Variants in EPHA3 observed in about 807,000 individuals in gnomAD.
EPHA3 encodes ephrin type-A receptor 3.
Under a neutral mutation model 107.1 loss-of-function variants are expected in EPHA3, and 42 were observed. The observed-to-expected ratio is 0.39, with a 90% CI of 0.31 to 0.51. EPHA3 has a LOEUF of 0.51. Among genes scored for constraint, EPHA3 ranks in the 20% least tolerant of loss-of-function variants. EPHA3 has a pLI of 0.78. For synonymous variants in EPHA3, 461 were observed against 424.8 expected, an observed-to-expected ratio of 1.09 and a Z score of -1.05; for missense variants, 1,183 against 1,211.2, an observed-to-expected ratio of 0.98 and a Z score of 0.35.
chr3:89,152,849 T>TA (rs1704718503), intron 2 of EPHA3, among the ~76,000 whole-genome samples: 1 of 152,086 alleles, frequency 6.6e-6, no homozygotes, highest in African/African-American at 2.4e-5. Flanking sequence ...CATTACAAAC[T>TA]AGCAACTAAA....
rs533807353 is a variant in EPHA3 at position 89,398,167 on chromosome 3, T to A, written c.1432-1151T>A. ...TTAACAGTATATGTAATGTATGGCA[T>A]GTTTTCTGTACTATTCAATCTCGTT... is the stretch of plus-strand genomic sequence containing the variant. On this transcript the variant is annotated intron_variant, in intron 6 of 16. Coordinates refer to ENST00000336596, the MANE Select transcript of EPHA3 (RefSeq NM_005233.6). Among the ~76,000 whole-genome samples, 254 of 152,326 alleles carry A rather than the reference T, an allele frequency of 1.7e-3. 3 individuals carry two copies. The highest frequency in any genetic ancestry group is 5.6e-3 in the African/African-American group (231 of 41,570).
chr3:89,242,022 G>A (rs1704907482), intron 3 of EPHA3, among the ~76,000 whole-genome samples: 1 of 152,120 alleles, frequency 6.6e-6, no homozygotes, highest in Non-Finnish European at 1.5e-5. Context: ...GTCCTTTAGT[G>A]CAATAAAATG....
chr3:89,210,180 G>A lies in EPHA3; in HGVS notation c.474G>A (p.Gly158=), dbSNP rs1706237892. ...ADESFTQMDL[G]DRILKLNTEI... ...AAAGTTTCACTCAAATGGATCTTGG[G>A]GACCGTATTCTGAAGCTCAACACTG... is the stretch of plus-strand genomic sequence containing the variant. The change falls in exon 3 of 17, where the codon GGG becomes GGA. Residue 158 remains glycine (G), a synonymous_variant. Transcript: ENST00000336596. 1 of 1,613,826 alleles carries A rather than the reference G, an allele frequency of 6.2e-7. No homozygotes were observed. Among genetic ancestry groups the A allele is most frequent in the Admixed American group, 1.7e-5 (1 of 59,976 alleles).
At position 89,340,940 on chromosome 3, in the gene EPHA3, C is replaced by A. The variant is rs896512954; in HGVS notation, c.839C>A (p.Ala280Glu). 6.2e-7 allele frequency: 1 copy of A among 1,612,814 alleles called. No individual in the cohort carries two copies. Among genetic ancestry groups the A allele is most frequent in the South Asian group, 1.1e-5 (1 of 90,908 alleles). ...GCTTGTCGACCAGGTTTCTACAAGG[C>A]ATTGGATGGTAATATGAAGTGTGCT... ...CQACRPGFYK[A>E]LDGNMKCAKC... The change falls in exon 4 of 17, where the codon GCA (alanine) becomes GAA (glutamate). Residue 280 changes from alanine (A) to glutamate (E), a missense_variant. Coordinates refer to ENST00000336596, the MANE Select transcript of EPHA3 (RefSeq NM_005233.6).
At chr3:89,434,926 C>A (rs1373204244) in intron 13 of EPHA3, among the ~76,000 whole-genome samples, 1 of 152,064 alleles carries the variant, frequency 6.6e-6, no homozygotes, top group Non-Finnish European at 1.5e-5. Context: ...CCATGGGAGT[C>A]CTGGCTTTCT....
intron 3 of EPHA3, among the ~76,000 whole-genome samples, chr3:89,325,538 G>A (rs1431507549): frequency 1.3e-5 from 2 of 152,126 alleles, no homozygotes; most frequent in Admixed American, 6.6e-5. Context: ...TGGCCTGCAT[G>A]TGCCACCAAA....
chr3:89,232,738 C>A (rs1286282056), intron 3 of EPHA3, among the ~76,000 whole-genome samples: 1 of 152,050 alleles, frequency 6.6e-6, no homozygotes, highest in Middle Eastern at 3.2e-3. Context: ...TGGTAATATT[C>A]AAATAGCCAA....
chr3:89,179,700 G>A (rs1705397446), intron 2 of EPHA3, among the ~76,000 whole-genome samples: 1 of 151,174 alleles, frequency 6.6e-6, no homozygotes, highest in Non-Finnish European at 1.5e-5. Context: ...AAAAAATGTG[G>A]ACAATGAAAT....
chr3:89,257,734 G>T (rs1196928066), intron 3 of EPHA3, among the ~76,000 whole-genome samples: 1 of 151,042 alleles, frequency 6.6e-6, no homozygotes, highest in Non-Finnish European at 1.5e-5. Context: ...AAACTCTTAA[G>T]TCCACACTGA....
At chr3:89,221,969 C>A (rs1704387734) in intron 3 of EPHA3, among the ~76,000 whole-genome samples, 1 of 152,076 alleles carries the variant, frequency 6.6e-6, no homozygotes, top group Non-Finnish European at 1.5e-5. Flanking sequence ...TATTAATTAG[C>A]ATAACATCTC....
chr3:89,354,822 G>T (rs759560989), intron 5 of EPHA3, among the ~76,000 whole-genome samples: 2 of 151,000 alleles, frequency 1.3e-5, no homozygotes, highest in African/African-American at 2.4e-5. Flanking sequence ...CAACTCCAGA[G>T]CCCCTATCTA....
rs56330723 is a variant in EPHA3 at position 89,407,300 on chromosome 3, G to A, written c.1626G>A (p.Val542=). ...SFSISGESSQ[V]VMIAISAAVA... is the part of the protein sequence containing the mutation. ...CCATCTCTGGTGAAAGTAGCCAAGT[G>A]GTCATGATCGCCATTTCAGCGGCAG... is the stretch of plus-strand genomic sequence containing the variant. Residue 542 remains valine, a synonymous_variant, in exon 8 of 17, where the codon GTG becomes GTA. Coordinates refer to ENST00000336596, the MANE Select transcript of EPHA3 (RefSeq NM_005233.6). 1.8e-3 allele frequency: 2,984 copies of A among 1,613,496 alleles called. 3 individuals are homozygous for A. The highest frequency in any genetic ancestry group is 2.3e-3 in the Non-Finnish European group (2,756 of 1,179,598).
At chr3:89,467,961 A>T in intron 15 of EPHA3, among the ~76,000 whole-genome samples, 1 of 152,184 alleles carries the variant, frequency 6.6e-6, no homozygotes, top group Non-Finnish European at 1.5e-5. Flanking sequence ...CTCACGGTGC[A>T]CATCACCCAG....
At chr3:89,383,194 TAA>T (rs1708545028) in intron 5 of EPHA3, among the ~76,000 whole-genome samples, 1 of 152,204 alleles carries the variant, frequency 6.6e-6, no homozygotes, top group African/African-American at 2.4e-5. Flanking sequence ...AGTTTGCTAA[TAA>T]AAGATTAAGA....
chr3:89,418,511 C>T (rs1206255536), intron 10 of EPHA3, among the ~76,000 whole-genome samples: 1 of 151,272 alleles, frequency 6.6e-6, no homozygotes, highest in Non-Finnish European at 1.5e-5. Context: ...GTCAGTAACA[C>T]TCTATATGGG....
intron 13 of EPHA3, among the ~76,000 whole-genome samples, chr3:89,434,212 T>G (rs1476056849): frequency 6.6e-6 from 1 of 152,068 alleles, no homozygotes; most frequent in Non-Finnish European, 1.5e-5. Context: ...AATTATTTAT[T>G]TATTTATTTA....
rs74367316 is a variant in EPHA3 at position 89,400,695 on chromosome 3, A to T, written c.1594+1215A>T. On this transcript the variant is annotated intron_variant, in intron 7 of 16. Transcript: ENST00000336596. ...CATAATATGCTAAAAATGTGCTAAT[A>T]TATCCCACACTGGTTAATATCCAAT... is the stretch of plus-strand genomic sequence containing the variant. Among the ~76,000 whole-genome samples, 1,038 of 152,122 alleles carry T rather than the reference A, an allele frequency of 6.8e-3. 13 individuals carry two copies. The highest frequency in any genetic ancestry group is 0.024 in the African/African-American group (1,004 of 41,502).
At chr3:89,235,624 A>T (rs1704740322) in intron 3 of EPHA3, among the ~76,000 whole-genome samples, 1 of 151,958 alleles carries the variant, frequency 6.6e-6, no homozygotes, top group Admixed American at 6.5e-5. Flanking sequence ...TTTAGAAAAA[A>T]AAGAGTATAT....
intron 1 of EPHA3, among the ~76,000 whole-genome samples, chr3:89,114,182 TTTC>T (rs1226938312): frequency 1.3e-5 from 2 of 152,336 alleles, no homozygotes; most frequent in South Asian, 2.1e-4. Flanking sequence ...GATAACTGCC[TTTC>T]TTCTTCTTCG....
Sources: gnomAD v4.1 joint callset for allele counts (sites outside exome capture counted in the v4.1 genomes callset) on GRCh38, gnomAD v4.1.1 for gene constraint, MANE v1.5 for transcripts, NCBI Gene and HGNC (gene_info 2026-07-23, HGNC 2026-07-21) for gene names.